SDK1: variants seen among roughly 807,000 people sequenced by gnomAD.
The protein encoded by SDK1 is protein sidekick-1.
A neutral mutation model predicts 245.5 loss-of-function variants in SDK1; 157 were observed. That is an observed-to-expected ratio of 0.64 (90% CI 0.56 to 0.73). SDK1 has a LOEUF of 0.73. Ranked by LOEUF, SDK1 falls within the 30% of genes least tolerant of loss-of-function variation. SDK1 has a pLI of 0.00. For missense variants in SDK1, 3,583 were observed against 3,002.3 expected (o/e 1.19, Z -4.52); for synonymous variants, 1,647 against 1,278.5 (o/e 1.29, Z -6.15).
chr7:3,407,284 A>G (rs967495019), intron 1 of SDK1, among the ~76,000 whole-genome samples: 1 of 152,194 alleles, frequency 6.6e-6, no homozygotes, highest in Non-Finnish European at 1.5e-5. Context: ...GCTCATAGCC[A>G]TTACCCAATG....
At chr7:4,143,664 C>T (rs560615806) in intron 28 of SDK1, among the ~76,000 whole-genome samples, 6 of 152,310 alleles carry the variant, frequency 3.9e-5, no homozygotes, top group Admixed American at 3.3e-4. Context: ...GCAGTGGGCC[C>T]TGGGGTCCGT....
rs117468350 is a variant in SDK1 at position 4,130,066 on chromosome 7, G to A, written c.4098G>A (p.Thr1366=). ...FTRIGNGVPS[T]PLILERTKDD... ...GCATCGGGAACGGGGTCCCCAGCAC[G>A]CCCCTCATCCTGGAGCGCACCAAAG... Residue 1366 remains threonine, a synonymous_variant, in exon 27 of 45, where the codon ACG becomes ACA. Transcript: ENST00000404826. 1.7e-4 allele frequency: 278 copies of A among 1,610,788 alleles called. No individual in the cohort carries two copies. The highest frequency in any genetic ancestry group is 1.8e-4 in the Non-Finnish European group (217 of 1,178,172).
At chr7:3,341,781 G>C (rs975463533) in intron 1 of SDK1, among the ~76,000 whole-genome samples, 7 of 152,212 alleles carry the variant, frequency 4.6e-5, no homozygotes, top group Admixed American at 2.0e-4. Context: ...AAACAAATCA[G>C]AGGACCCAAA....
At chr7:4,040,242 A>C (rs1169529615) in intron 17 of SDK1, among the ~76,000 whole-genome samples, 1 of 152,110 alleles carries the variant, frequency 6.6e-6, no homozygotes, top group Non-Finnish European at 1.5e-5. Flanking sequence ...CAGCTTTGCC[A>C]TGTCCATTTC....
At chr7:3,808,626 T>C (rs946486964) in intron 4 of SDK1, among the ~76,000 whole-genome samples, 15 of 152,184 alleles carry the variant, frequency 9.9e-5, no homozygotes, top group African/African-American at 3.6e-4. Context: ...ACCAGGATTT[T>C]AAAGAGCTCC....
intron 10 of SDK1, among the ~76,000 whole-genome samples, chr7:3,968,564 A>C (rs2128131960): frequency 6.6e-6 from 1 of 152,314 alleles, no homozygotes; most frequent in East Asian, 1.9e-4. Context: ...TTTCCTGCCT[A>C]ATTTTGAACA....
At chr7:3,582,683 T>TAAAAAAAAAAAAAGAAAAAAAAAAAAAAA (rs1780545897) in intron 1 of SDK1, among the ~76,000 whole-genome samples, 1 of 69,672 alleles carries the variant, frequency 1.4e-5, no homozygotes, top group African/African-American at 5.7e-5. Context: ...TAAACTAAAG[T>TAAAAAAAAAAAAAGAAAAAAAAAAAAAAA]AAAAAAAAAA....
chr7:3,807,142 C>T (rs1235776129), intron 4 of SDK1, among the ~76,000 whole-genome samples: 2 of 152,170 alleles, frequency 1.3e-5, no homozygotes, highest in African/African-American at 4.8e-5. Flanking sequence ...AAAAAATCTA[C>T]CCCATCCCCA....
intron 1 of SDK1, among the ~76,000 whole-genome samples, chr7:3,374,967 C>G (rs971709105): frequency 8.5e-5 from 13 of 152,176 alleles, no homozygotes; most frequent in Non-Finnish European, 1.6e-4. Context: ...TATCGTATAT[C>G]TAACACCTGT....
intron 1 of SDK1, among the ~76,000 whole-genome samples, chr7:3,414,261 G>A (rs1779298220): frequency 6.6e-6 from 1 of 152,068 alleles, no homozygotes; most frequent in Non-Finnish European, 1.5e-5. Flanking sequence ...AATTTGAAGG[G>A]TCCTAGGGCA....
chr7:3,345,415 G>C (rs73048631), intron 1 of SDK1, among the ~76,000 whole-genome samples: 2 of 151,924 alleles, frequency 1.3e-5, no homozygotes, highest in African/African-American at 4.8e-5. Context: ...TAAGAGATGA[G>C]AATTTCCTGA....
At chr7:4,032,750 G>A (rs1243413368) in intron 17 of SDK1, among the ~76,000 whole-genome samples, 1 of 152,114 alleles carries the variant, frequency 6.6e-6, no homozygotes, top group Non-Finnish European at 1.5e-5. Flanking sequence ...GAAAAGAAAA[G>A]AAAGCTGGGG....
At chr7:3,320,254 G>A (rs9691979) in intron 1 of SDK1, among the ~76,000 whole-genome samples, 46,073 of 151,012 alleles carry the variant, frequency 0.31, 7,539 homozygotes, top group African/African-American at 0.43. Context: ...CTTTGCCATC[G>A]TTTGCAGTTA....
At chr7:3,959,796 T>C (rs953603087) in intron 8 of SDK1, among the ~76,000 whole-genome samples, 10 of 152,016 alleles carry the variant, frequency 6.6e-5, no homozygotes, top group African/African-American at 2.4e-4. Flanking sequence ...ATGTTACCTT[T>C]TTTTTTTTGC....
intron 5 of SDK1, 133 bp from the exon 6 acceptor site, chr7:3,950,790 T>C (rs1372164286): frequency 1.6e-6 from 1 of 639,512 alleles, no homozygotes; most frequent in East Asian, 2.8e-5. Context: ...AGGGACAATT[T>C]GTGTCTGTAG....
chr7:4,144,549 C>A (rs905852757), intron 28 of SDK1, among the ~76,000 whole-genome samples: 2 of 151,730 alleles, frequency 1.3e-5, no homozygotes, highest in Non-Finnish European at 2.9e-5. Context: ...TCCCAGATGG[C>A]GGGCTGGGGA....
At chr7:4,102,825 G>T (rs1229486972) in intron 22 of SDK1, among the ~76,000 whole-genome samples, 1 of 152,142 alleles carries the variant, frequency 6.6e-6, no homozygotes. Context: ...ATCCCCGTGG[G>T]TATAACAGAC....
At chr7:3,865,079 C>T (rs933677284) in intron 5 of SDK1, among the ~76,000 whole-genome samples, 6 of 152,192 alleles carry the variant, frequency 3.9e-5, no homozygotes, top group Admixed American at 3.9e-4. Flanking sequence ...TCCCCGTGCC[C>T]TCCAGCACGT....
At chr7:3,997,563 T>C (rs1784774784) in intron 14 of SDK1, among the ~76,000 whole-genome samples, 1 of 152,080 alleles carries the variant, frequency 6.6e-6, no homozygotes, top group East Asian at 1.9e-4. Flanking sequence ...GAGAGGTTGT[T>C]CAATGTCTGC....
Sources: allele counts gnomAD v4.1 joint callset (sites outside exome capture counted in the v4.1 genomes callset), GRCh38; gene constraint gnomAD v4.1.1; transcripts MANE v1.5; gene names NCBI Gene and HGNC (gene_info 2026-07-23, HGNC 2026-07-21).